Variants in DCC observed in about 807,000 individuals in gnomAD.
DCC encodes the protein netrin receptor DCC.
In DCC, 58 loss-of-function variants were observed where a neutral mutation model predicts 172.5. The ratio of observed to expected loss-of-function variants is 0.34; its 90% CI spans 0.27 to 0.42. The LOEUF is 0.42. Among genes scored for constraint, DCC ranks in the 10% least tolerant of loss-of-function variants. The pLI, the probability that DCC is intolerant of heterozygous loss-of-function variation, is 1.00. For synonymous variants in DCC, 709 were observed against 644.5 expected, an observed-to-expected ratio of 1.10 and a Z score of -1.52; for missense variants, 1,740 against 1,791.0, an observed-to-expected ratio of 0.97 and a Z score of 0.51.
At chr18:52,776,165 A>G (rs1265037342) in intron 2 of DCC, among the ~76,000 whole-genome samples, 1 of 152,232 alleles carries the variant, frequency 6.6e-6, no homozygotes, top group Non-Finnish European at 1.5e-5. Flanking sequence ...AAAAGTGAAC[A>G]GTAGAAAAAT....
intron 1 of DCC, among the ~76,000 whole-genome samples, chr18:52,529,335 G>A (rs2032078162): frequency 6.6e-6 from 1 of 152,196 alleles, no homozygotes; most frequent in Non-Finnish European, 1.5e-5. Flanking sequence ...CTGTCACCCA[G>A]GCTGGAGTGC....
chr18:52,384,794 C>T (rs1388707899), intron 1 of DCC, among the ~76,000 whole-genome samples: 3 of 152,060 alleles, frequency 2.0e-5, no homozygotes, highest in African/African-American at 7.2e-5. Flanking sequence ...ATAGTCTATT[C>T]TGAAAATTAA....
chr18:52,435,948 C>T (rs1198562003), intron 1 of DCC, among the ~76,000 whole-genome samples: 1 of 152,214 alleles, frequency 6.6e-6, no homozygotes, highest in Non-Finnish European at 1.5e-5. Flanking sequence ...TCTAAACGAT[C>T]AGATGACCCA....
chr18:53,022,385 A>G (rs1203167798), intron 5 of DCC, among the ~76,000 whole-genome samples: 2 of 152,104 alleles, frequency 1.3e-5, no homozygotes, highest in Non-Finnish European at 2.9e-5. Context: ...AATGAGGATA[A>G]TAATACTATC....
chr18:53,296,831 G>A (rs903491301), intron 12 of DCC, among the ~76,000 whole-genome samples: 4 of 152,284 alleles, frequency 2.6e-5, no homozygotes, highest in Admixed American at 1.3e-4. Flanking sequence ...TTCAAGATTC[G>A]TAGATTCCTG....
Position 52,340,598 on chromosome 18 carries a change from A to C in DCC, c.-190A>C, listed in dbSNP as rs1598845927. On this transcript the variant is annotated 5_prime_UTR_variant, in exon 1 of 29. Coordinates refer to ENST00000442544, the MANE Select transcript of DCC (RefSeq NM_005215.4). The stretch of plus-strand genomic sequence containing the variant: ...TTGCTGCTGATTCTGTCAGTGGACA[A>C]GGAAAAAGGCTTCGAAGGCAGCAGA... 1.2e-5 allele frequency: 8 copies of C among 670,332 alleles called. No homozygotes were observed. In the East Asian group the frequency reaches 1.9e-4, roughly 16 times the overall value. 41.5% of individuals were successfully genotyped at this position (670,332 alleles called of 1,614,324 possible). A position where few individuals can be genotyped will look rare whatever the true frequency, so the allele number is the denominator to read the frequency against.
intron 1 of DCC, among the ~76,000 whole-genome samples, chr18:52,735,895 C>T (rs1350647039): frequency 6.6e-6 from 1 of 152,058 alleles, no homozygotes; most frequent in Non-Finnish European, 1.5e-5. Flanking sequence ...TCACACATGA[C>T]AAAGAGGTTT....
At chr18:53,100,382 A>C (rs2043153389) in intron 7 of DCC, among the ~76,000 whole-genome samples, 1 of 152,166 alleles carries the variant, frequency 6.6e-6, no homozygotes. Flanking sequence ...GTTCTAATTA[A>C]AGAAGAATTT....
chr18:52,731,836 A>G (rs941918224), intron 1 of DCC, among the ~76,000 whole-genome samples: 4 of 152,140 alleles, frequency 2.6e-5, no homozygotes, highest in Non-Finnish European at 5.9e-5. Context: ...CAGACAATCA[A>G]TATGTTTCTA....
chr18:52,829,055 C>T (rs1005913719), intron 2 of DCC, among the ~76,000 whole-genome samples: 1 of 152,156 alleles, frequency 6.6e-6, no homozygotes, highest in Non-Finnish European at 1.5e-5. Flanking sequence ...ACTAGCCTGG[C>T]TAGCTGTTAT....
At chr18:52,914,287 G>A (rs1393449424) in intron 3 of DCC, among the ~76,000 whole-genome samples, 1 of 152,036 alleles carries the variant, frequency 6.6e-6, no homozygotes, top group African/African-American at 2.4e-5. Context: ...TTTGCTGTGA[G>A]ACACAAGGGG....
chr18:53,310,747 G>A (rs2057256054), intron 13 of DCC, among the ~76,000 whole-genome samples: 1 of 151,990 alleles, frequency 6.6e-6, no homozygotes, highest in Non-Finnish European at 1.5e-5. Flanking sequence ...TAATAGCATA[G>A]CAATTTTATA....
chr18:52,814,914 T>TA (rs907958931), intron 2 of DCC, among the ~76,000 whole-genome samples: 20 of 151,972 alleles, frequency 1.3e-4, no homozygotes, highest in Middle Eastern at 3.4e-3. Flanking sequence ...TGGTGATGGC[T>TA]AAAAAAAATG....
chr18:52,548,474 C>T (rs2032675984), intron 1 of DCC, among the ~76,000 whole-genome samples: 1 of 152,022 alleles, frequency 6.6e-6, no homozygotes, highest in Non-Finnish European at 1.5e-5. Flanking sequence ...AATTAGTCAA[C>T]GTTAGCATCT....
chr18:52,537,988 G>A (rs1400114179), intron 1 of DCC, among the ~76,000 whole-genome samples: 2 of 152,106 alleles, frequency 1.3e-5, no homozygotes, highest in African/African-American at 4.8e-5. Context: ...TTAGGCTCTA[G>A]CTGTGGCTAC....
chr18:52,602,953 G>A (rs16955291), intron 1 of DCC, among the ~76,000 whole-genome samples: 6,204 of 151,956 alleles, frequency 0.041, 190 homozygotes, highest in East Asian at 0.1. Flanking sequence ...GAGGATAGAC[G>A]GGCTTTTCCT....
chr18:53,465,175 T>G (rs2045606029), intron 24 of DCC, among the ~76,000 whole-genome samples: 1 of 152,044 alleles, frequency 6.6e-6, no homozygotes, highest in Non-Finnish European at 1.5e-5. Flanking sequence ...CTCTTTCTGT[T>G]GTTCATTTTT....
rs759096021 is a variant in DCC, at chr18:53,467,875, A to G, written c.3620-19A>G. On this transcript the variant is annotated intron_variant, in intron 24 of 28. Transcript: ENST00000442544. ...CATCCTTGAAGAGGGCATGTTTCTC[A>G]GGAGTGTGTATTTTTTAGGTCAAGA... 2 of 1,237,152 alleles carry G rather than the reference A, an allele frequency of 1.6e-6. No individual in the cohort carries two copies. The highest frequency in any genetic ancestry group is 1.7e-5 in the Admixed American group (1 of 59,542). The allele number at this position is 1,237,152 out of a possible 1,614,324, so 76.6% of individuals were successfully genotyped here. A position where few individuals can be genotyped will look rare whatever the true frequency, so the allele number is the denominator to read the frequency against.
chr18:52,621,505 G>A lies in DCC; in HGVS notation c.92-130549G>A, dbSNP rs545742092. Among the ~76,000 whole-genome samples, 26 of 152,250 alleles carry A rather than the reference G, an allele frequency of 1.7e-4. 1 individual carries two copies. In the South Asian group the frequency reaches 4.1e-3, roughly 24 times the overall value. On this transcript the variant is annotated intron_variant, in intron 1 of 28. Transcript: ENST00000442544. ...CATTGCACCTCATTCCTTTCTACCC[G>A]GAGCTTACAACCTCACTCTGATGTG...
Sources: gnomAD v4.1 joint callset for allele counts (sites outside exome capture counted in the v4.1 genomes callset) on GRCh38, gnomAD v4.1.1 for gene constraint, MANE v1.5 for transcripts, NCBI Gene and HGNC (gene_info 2026-07-23, HGNC 2026-07-21) for gene names.